Variants in CASP14 observed in about 807,000 individuals in gnomAD.
CASP14 encodes caspase-14.
CASP14 carries 27 observed loss-of-function variants against 28.4 expected under a neutral mutation model. The observed-to-expected ratio is 0.95, with a 90% confidence interval of 0.70 to 1.31. CASP14 has a LOEUF of 1.31. CASP14 is among the 50% of genes most tolerant of loss of function. CASP14 has a pLI of 0.00. For missense variants in CASP14, 323 were observed against 312.8 expected, an observed-to-expected ratio of 1.03 and a Z score of -0.25; for synonymous variants, 115 against 118.6, an observed-to-expected ratio of 0.97 and a Z score of 0.20.
chr19:15,054,075 C>A, intron 4 of CASP14, 117 bp downstream of exon 4: 1 of 834,992 alleles, frequency 1.2e-6, no homozygotes, highest in Non-Finnish European at 1.9e-6. Context: ...ATCTCCATCT[C>A]CCAGGCTCCA....
intron 2 of CASP14, among the ~76,000 whole-genome samples, chr19:15,052,992 C>T (rs1026224334): frequency 6.6e-6 from 1 of 152,134 alleles, no homozygotes; most frequent in Non-Finnish European, 1.5e-5. Flanking sequence ...ATAAGTATAT[C>T]CCATGCAATA....
At chr19:15,050,501 G>T (rs959621617) in intron 1 of CASP14, among the ~76,000 whole-genome samples, 1 of 148,754 alleles carries the variant, frequency 6.7e-6, no homozygotes, top group Non-Finnish European at 1.5e-5. Context: ...TGGATTGATG[G>T]ATGGATGGAT....
chr19:15,055,940 T>G (rs1296427408), intron 6 of CASP14, 45 bp from the exon 7 acceptor site: 1 of 1,497,066 alleles, frequency 6.7e-7, no homozygotes, highest in Non-Finnish European at 9.2e-7. Flanking sequence ...CCCCCATAAG[T>G]CCATGACACT....
rs757185628 is a variant in CASP14, at chr19:15,053,952, C to A, written c.397C>A (p.Arg133=). ...CAAGGTGTACATCATACAGGCCTGT[C>A]GAGGAGGTGGGGACAGATCCAAGAG... ...KPKVYIIQAC[R]GEQRDPGETV... Residue 133 remains arginine (R), a synonymous_variant, in exon 4 of 7, where the codon CGA becomes AGA. Coordinates refer to ENST00000427043, the MANE Select transcript of CASP14 (RefSeq NM_012114.3). 1.9e-6 allele frequency: 3 copies of A among 1,612,798 alleles called. No individual in the cohort carries two copies. The African/African-American group carries it at 4.0e-5, about 22-fold the overall frequency.
At chr19:15,051,170 C>G (rs1232258086) in intron 1 of CASP14, among the ~76,000 whole-genome samples, 1 of 148,158 alleles carries the variant, frequency 6.7e-6, no homozygotes, top group Non-Finnish European at 1.5e-5. Context: ...ATTATGCCAC[C>G]AAAATTGTCA....
rs751760802 is a variant in CASP14 at position 15,055,567 on chromosome 19, C to A, written c.624+34C>A. 7.2e-6 allele frequency: 11 copies of A among 1,526,106 alleles called. No individual in the cohort carries two copies. The East Asian group carries it at 2.2e-4, about 31-fold the overall frequency. The allele number at this position is 1,526,106 out of a possible 1,614,324, so 94.5% of individuals were successfully genotyped here. A position where few individuals can be genotyped will look rare whatever the true frequency, so the allele number is the denominator to read the frequency against. ...ACAAAAGGTAGCTGGGACCACCGCCCAGGCCAAGAAGGGTGCAGGCGGAGG... is the reference window on the plus strand; with the variant it reads ...ACAAAAGGTAGCTGGGACCACCGCCAAGGCCAAGAAGGGTGCAGGCGGAGG... On this transcript the variant is annotated intron_variant, in intron 6 of 6. Transcript: ENST00000427043.
At chr19:15,055,842 AT>A (rs1277369468) in intron 6 of CASP14, 142 bp from the exon 7 acceptor site, 1 of 636,792 alleles carries the variant, frequency 1.6e-6, no homozygotes, top group African/African-American at 1.8e-5. Flanking sequence ...CCAGCCAAGG[AT>A]TCCATACAAA....
At chr19:15,053,457 G>A (rs772948735) in intron 2 of CASP14, 25 bp from the exon 3 acceptor site, 2 of 1,613,912 alleles carry the variant, frequency 1.2e-6, no homozygotes, top group Non-Finnish European at 8.5e-7. Flanking sequence ...TCTCCATGCT[G>A]ATTTCTGTCT....
chr19:15,055,502 G>T lies in CASP14; in HGVS notation c.593G>T (p.Arg198Met). The T allele has an allele frequency of 6.2e-7, 1 of 1,614,084 alleles. No individual in the cohort carries two copies. Among genetic ancestry groups the T allele is most frequent in the Non-Finnish European group, 8.5e-7 (1 of 1,179,964 alleles). ...IQTLVDVFTK[R>M]KGHILELLTE... ...ACCCTGGTGGATGTGTTCACGAAGA[G>T]GAAAGGACATATCTTGGAACTTCTG... The change falls in exon 6 of 7, where the codon AGG becomes ATG. Residue 198 changes from arginine to methionine, a missense_variant. Arg to Met is a moderately conservative substitution (Grantham distance 91). Transcript: ENST00000427043.
chr19:15,054,878 T>A (rs1600069253), intron 4 of CASP14: 1 of 313,270 alleles, frequency 3.2e-6, no homozygotes, highest in Non-Finnish European at 6.1e-6. Context: ...TGACCTCAGG[T>A]GATCTGCCTT....
At chr19:15,055,083 G>A (rs1226849067) in intron 4 of CASP14, 75 bp from the exon 5 acceptor site, 1 of 1,135,670 alleles carries the variant, frequency 8.8e-7, no homozygotes, top group Admixed American at 1.7e-5. Flanking sequence ...GGGAATACAG[G>A]TGTGAGCCAC....
In CASP14 at chr19:15,056,326, T is replaced by C; in HGVS notation, c.*237T>C. 2.4e-6 allele frequency: 1 copy of C among 416,428 alleles called. No homozygotes were observed. Among genetic ancestry groups the C allele is most frequent in the South Asian group, 2.4e-5 (1 of 42,094 alleles). 25.8% of individuals were successfully genotyped at this position (416,428 alleles called of 1,614,324 possible). A position where few individuals can be genotyped will look rare whatever the true frequency, so the allele number is the denominator to read the frequency against. On this transcript the variant is annotated 3_prime_UTR_variant, in exon 7 of 7. Transcript: ENST00000427043. ...CACCTCCCTCAGGCTGGACTTTCTA[T>C]CTTTATTAATGCAACCGAAGAGACC...
intron 5 of CASP14, 42 bp downstream of exon 5, chr19:15,055,316 C>A: frequency 6.4e-7 from 1 of 1,570,690 alleles, no homozygotes; most frequent in Non-Finnish European, 8.8e-7. Context: ...CTGCTCTTCC[C>A]CCTCTCCTGC....
At position 15,055,410 on chromosome 19, in the gene CASP14, C is replaced by G. The variant is rs1404535922; in HGVS notation, c.521-20C>G. On this transcript the variant is annotated intron_variant, in intron 5 of 6. Coordinates refer to ENST00000427043, the MANE Select transcript of CASP14 (RefSeq NM_012114.3). Reference sequence around the variant, plus strand: ...CTACCCTCTGAAGCTCCCCCGAACCCACCTCTCTGGAATTCCCAGGATACA... The same window carrying G: ...CTACCCTCTGAAGCTCCCCCGAACCGACCTCTCTGGAATTCCCAGGATACA... 6.2e-7 allele frequency: 1 copy of G among 1,611,034 alleles called. No individual in the cohort carries two copies.
At chr19:15,055,316 C>T (rs755051160) in intron 5 of CASP14, 42 bp downstream of exon 5, 1 of 1,570,690 alleles carries the variant, frequency 6.4e-7, no homozygotes, top group Non-Finnish European at 8.8e-7. Flanking sequence ...CTGCTCTTCC[C>T]CCTCTCCTGC....
At chr19:15,051,633 A>G (rs1267016292) in intron 1 of CASP14, among the ~76,000 whole-genome samples, 1 of 152,184 alleles carries the variant, frequency 6.6e-6, no homozygotes, top group Non-Finnish European at 1.5e-5. Context: ...AACAGGACTC[A>G]GAGATGAGAA....
chr19:15,054,640 CTT>C lies in CASP14; in HGVS notation c.404-500_404-499del, dbSNP rs796422997. 3.8e-3 allele frequency among the ~76,000 whole-genome samples: 459 copies of C among 122,060 alleles called. 3 individuals are homozygous for C. Among genetic ancestry groups the C allele is most frequent in the African/African-American group, 0.011 (371 of 35,192 alleles). The allele number at this position is 122,060 out of a possible 152,430, so 80.1% of individuals were successfully genotyped here. On this transcript the variant is annotated intron_variant, in intron 4 of 6. Transcript: ENST00000427043. ...GCACATGGCATACCACAAAAGCATCCTTTTTTTTTTTTTTTTTTTAGACGGAG... is the reference window on the plus strand; with the variant it reads ...GCACATGGCATACCACAAAAGCATCCTTTTTTTTTTTTTTTTTAGACGGAG...
intron 1 of CASP14, among the ~76,000 whole-genome samples, chr19:15,050,645 GA>G (rs1329855122): frequency 6.6e-6 from 1 of 152,040 alleles, no homozygotes; most frequent in African/African-American, 2.4e-5. Flanking sequence ...TGGAGGGATG[GA>G]AGACAGAGAG....
chr19:15,055,925 C>T (rs1044215937), intron 6 of CASP14, 60 bp from the exon 7 acceptor site: 5 of 1,371,308 alleles, frequency 3.6e-6, no homozygotes, highest in Non-Finnish European at 5.1e-6. Context: ...CGTTCCCTAA[C>T]CCTCCCCCCA....
Sources: allele counts gnomAD v4.1 joint callset (sites outside exome capture counted in the v4.1 genomes callset), GRCh38; gene constraint gnomAD v4.1.1; transcripts MANE v1.5; gene names NCBI Gene and HGNC (gene_info 2026-07-23, HGNC 2026-07-21).